Variants in UTRN observed in about 807,000 individuals in gnomAD.
UTRN encodes the protein utrophin, also known as dystrophin-related protein 1.
Under a neutral mutation model 463.9 loss-of-function variants are expected in UTRN, and 283 were observed. The observed-to-expected ratio is 0.61, with a 90% confidence interval of 0.55 to 0.67. UTRN has a LOEUF of 0.67. UTRN is among the 30% of genes least tolerant of loss of function. The pLI is 0.00. For synonymous variants in UTRN, 1,442 were observed against 1,431.5 expected (o/e 1.01, Z -0.17); for missense variants, 3,922 against 4,084.3 (o/e 0.96, Z 1.08).
chr6:144,459,478 T>C (rs1364546660), intron 21 of UTRN, 124 bp downstream of exon 21: 9 of 1,084,716 alleles, frequency 8.3e-6, no homozygotes, highest in Non-Finnish European at 1.1e-5. Flanking sequence ...CCTTTGTGCC[T>C]GTATTGTTCA....
At chr6:144,291,009 C>T (rs1052889058) in intron 1 of UTRN, among the ~76,000 whole-genome samples, 2 of 151,394 alleles carry the variant, frequency 1.3e-5, no homozygotes, top group Non-Finnish European at 2.9e-5. Context: ...CTCCTGACCT[C>T]GTGATCCACC....
At chr6:144,702,161 C>T (rs7765963) in intron 53 of UTRN, among the ~76,000 whole-genome samples, 54,848 of 151,644 alleles carry the variant, frequency 0.36, 11,252 homozygotes, top group East Asian at 0.88. Flanking sequence ...TAGTGTTTAC[C>T]GAAATCCACA....
At chr6:144,773,787 T>C (rs1231792498) in intron 59 of UTRN, among the ~76,000 whole-genome samples, 1 of 152,222 alleles carries the variant, frequency 6.6e-6, no homozygotes, top group Non-Finnish European at 1.5e-5. Context: ...AGGGACAGGA[T>C]ACCTGTCACA....
rs533268818 is a variant in UTRN at position 144,729,012 on chromosome 6, C to T, written c.7810-1345C>T. On this transcript the variant is annotated intron_variant, in intron 53 of 74. Transcript: ENST00000367545. ...TGTTATGACTTATCTCCTCTATACACGAGTAGGAAAATTATCAGTAATAGT... is the reference window on the plus strand; with the variant it reads ...TGTTATGACTTATCTCCTCTATACATGAGTAGGAAAATTATCAGTAATAGT... Among the ~76,000 whole-genome samples the T allele has an allele frequency of 2.4e-4, 37 of 152,184 alleles. No individual in the cohort carries two copies. In the South Asian group the frequency reaches 2.9e-3, roughly 12 times the overall value.
At position 144,462,761 on chromosome 6, in the gene UTRN, G is replaced by A; in HGVS notation, c.2961G>A (p.Lys987=). ...NVHPDVEKLY[K]QEFDDVQGKW... ...ATCCTGATGTAGAAAAATTATATAA[G>A]CAAGAATTTGATGATGTGCAAGGAA... The change falls in exon 23 of 75, where the codon AAG becomes AAA. Residue 987 remains lysine (K), a synonymous_variant. Transcript: ENST00000367545. The A allele has an allele frequency of 1.2e-6, 2 of 1,612,006 alleles. No individual in the cohort carries two copies. Among genetic ancestry groups the A allele is most frequent in the Non-Finnish European group, 8.5e-7 (1 of 1,179,556 alleles).
intron 2 of UTRN, among the ~76,000 whole-genome samples, chr6:144,317,444 C>T (rs534415367): frequency 7.6e-4 from 116 of 152,070 alleles, no homozygotes; most frequent in Non-Finnish European, 1.4e-3. Flanking sequence ...TTGCTCTTTT[C>T]GGAGTGCAGT....
chr6:144,651,271 T>C (rs896087574), intron 51 of UTRN, among the ~76,000 whole-genome samples: 1 of 152,106 alleles, frequency 6.6e-6, no homozygotes, highest in African/African-American at 2.4e-5. Flanking sequence ...AAGAAAGTCT[T>C]AATTGTCCTG....
chr6:144,606,169 C>T (rs1169484173), intron 51 of UTRN, among the ~76,000 whole-genome samples: 1 of 152,132 alleles, frequency 6.6e-6, no homozygotes, highest in African/African-American at 2.4e-5. Context: ...ATTTGTAAAA[C>T]AATGTTTGAC....
chr6:144,387,290 G>A (rs542732521), intron 2 of UTRN, among the ~76,000 whole-genome samples: 4 of 152,124 alleles, frequency 2.6e-5, no homozygotes, highest in East Asian at 3.9e-4. Context: ...TTACAGGTAC[G>A]TGCCACCATG....
chr6:144,477,867 ATC>A (rs1415826447), intron 25 of UTRN, among the ~76,000 whole-genome samples: 1 of 114,180 alleles, frequency 8.8e-6, no homozygotes, highest in African/African-American at 3.9e-5. Context: ...AGAAGTTTGT[ATC>A]TCTATCTATC....
At chr6:144,738,523 C>T (rs1789694925) in intron 54 of UTRN, among the ~76,000 whole-genome samples, 2 of 152,214 alleles carry the variant, frequency 1.3e-5, no homozygotes, top group African/African-American at 4.8e-5. Flanking sequence ...TGCAGGCAGG[C>T]AGGCACGCAC....
intron 2 of UTRN, chr6:144,398,366 C>T (rs1296879150): frequency 2.8e-6 from 1 of 359,092 alleles, no homozygotes; most frequent in African/African-American, 2.2e-5. Context: ...CTTATTCTCA[C>T]CAGGGACTTC....
rs187910462 is a variant in UTRN, at chr6:144,417,360, A to G, written c.142-4518A>G. On this transcript the variant is annotated intron_variant, in intron 3 of 74. Coordinates refer to ENST00000367545, the MANE Select transcript of UTRN (RefSeq NM_007124.3). ...TAGATTTAGAGCCAGATTTTGTGGT[A>G]TCAGATCCTGGTTCTGCCTCTCATT... Among the ~76,000 whole-genome samples, 5 of 152,340 alleles carry G rather than the reference A, an allele frequency of 3.3e-5. No individual in the cohort carries two copies. The East Asian group carries it at 5.8e-4, about 18-fold the overall frequency.
intron 48 of UTRN, among the ~76,000 whole-genome samples, chr6:144,553,484 T>TA (rs1799107697): frequency 6.6e-6 from 1 of 152,254 alleles, no homozygotes; most frequent in Non-Finnish European, 1.5e-5. Context: ...TTTTGTCTGA[T>TA]ATCCAAAGCA....
intron 53 of UTRN, among the ~76,000 whole-genome samples, chr6:144,717,017 A>G (rs140065180): frequency 6.2e-4 from 95 of 152,352 alleles, no homozygotes; most frequent in African/African-American, 2.1e-3. Context: ...CCCAAAAGTG[A>G]AATTCCTGTT....
intron 2 of UTRN, among the ~76,000 whole-genome samples, chr6:144,368,967 G>A (rs1016939571): frequency 9.9e-5 from 15 of 152,014 alleles, no homozygotes; most frequent in African/African-American, 3.6e-4. Flanking sequence ...TTTCTGTTTT[G>A]ACCTTTCATA....
At chr6:144,516,694 A>T in intron 38 of UTRN, 117 bp from the exon 39 acceptor site, 1 of 814,920 alleles carries the variant, frequency 1.2e-6, no homozygotes, top group Non-Finnish European at 1.7e-6. Context: ...CGTTCAGGTT[A>T]ACATATCTTG....
intron 51 of UTRN, among the ~76,000 whole-genome samples, chr6:144,585,826 G>C (rs1802414759): frequency 6.6e-6 from 1 of 151,824 alleles, no homozygotes; most frequent in African/African-American, 2.4e-5. Context: ...TCTAAATTTA[G>C]TTTCTTAGAA....
chr6:144,712,686 C>A (rs1001452652), intron 53 of UTRN, among the ~76,000 whole-genome samples: 3 of 152,106 alleles, frequency 2.0e-5, no homozygotes, highest in Non-Finnish European at 4.4e-5. Context: ...GTGATGCAGG[C>A]TTGAAAACAA....
Sources: allele counts gnomAD v4.1 joint callset (sites outside exome capture counted in the v4.1 genomes callset), GRCh38; gene constraint gnomAD v4.1.1; transcripts MANE v1.5; gene names NCBI Gene and HGNC (gene_info 2026-07-23, HGNC 2026-07-21).